The following EXOSC6 variants were observed in gnomAD, a reference collection of about 807,000 sequenced individuals.
The protein encoded by EXOSC6 is exosome component 6, also known as exosome complex component MTR3.
Under a neutral mutation model 16.7 loss-of-function variants are expected in EXOSC6, and 21 were observed. The ratio of observed to expected loss-of-function variants is 1.26; its 90% confidence interval spans 0.89 to 1.82. The LOEUF (loss-of-function observed/expected upper bound fraction) is 1.82. Ranked by LOEUF, EXOSC6 falls within the 40% of genes most tolerant of loss-of-function variation. EXOSC6 has a pLI of 0.00. For missense variants in EXOSC6, 538 were observed against 415.7 expected (o/e 1.29, Z -2.56); for synonymous variants, 297 against 217.1 (o/e 1.37, Z -3.24).
rs898287444 is a variant in EXOSC6 at position 70,250,893 on chromosome 16, T to C, written c.*189A>G. 1.8e-5 allele frequency: 12 copies of C among 648,996 alleles called. No homozygotes were observed. The African/African-American group carries it at 1.9e-4, about 10-fold the overall frequency. The allele number at this position is 648,996 out of a possible 1,614,324, so 40.2% of individuals were successfully genotyped here. On this transcript the variant is annotated 3_prime_UTR_variant, in exon 1 of 1. Transcript: ENST00000435634. ...CTCCAGGGGCTGTTGAGTTTTGCCT[T>C]TATCATTCCAAGTAGTCCCTGCTCC...
In EXOSC6 at chr16:70,248,161, T is replaced by C. The variant is rs1959729763; in HGVS notation, c.*2921A>G. The C allele has an allele frequency of 1.3e-5, 2 of 152,186 alleles. No homozygotes were observed. The highest frequency in any genetic ancestry group is 2.4e-5 in the African/African-American group (1 of 41,440). 9.4% of individuals were successfully genotyped at this position (152,186 alleles called of 1,614,324 possible). On this transcript the variant is annotated 3_prime_UTR_variant, in exon 1 of 1. Transcript: ENST00000435634. ...AATCATTTAAAAGACATCTTAGGGG[T>C]AATTACAGAAATTTGAATATAGAAC... is the stretch of plus-strand genomic sequence containing the variant.
In EXOSC6 at chr16:70,251,722, G is replaced by A; in HGVS notation, c.179C>T (p.Thr60Ile). ...GCCCGACACGGCACACAGCACCTTG[G>A]TGCCTCCCGCCTCCAGGTAGGCCGA... ...KGSAYLEAGG[T>I]KVLCAVSGPR... Residue 60 changes from threonine to isoleucine, a missense_variant, in exon 1 of 1, where the codon ACC becomes ATC. By Grantham distance (89) the Thr-to-Ile change is moderately conservative. Coordinates refer to ENST00000435634, the MANE Select transcript of EXOSC6 (RefSeq NM_058219.3). 7.2e-7 allele frequency: 1 copy of A among 1,391,504 alleles called. No individual in the cohort carries two copies. Among genetic ancestry groups the A allele is most frequent in the South Asian group, 1.6e-5 (1 of 62,742 alleles). 86.2% of individuals were successfully genotyped at this position (1,391,504 alleles called of 1,614,324 possible).
In EXOSC6 at chr16:70,250,938, G is replaced by A. The variant is rs1959799545; in HGVS notation, c.*144C>T. The A allele has an allele frequency of 4.8e-6, 5 of 1,048,820 alleles. No homozygotes were observed. The African/African-American group carries it at 8.3e-5, about 18-fold the overall frequency. 65.0% of individuals were successfully genotyped at this position (1,048,820 alleles called of 1,614,324 possible). On this transcript the variant is annotated 3_prime_UTR_variant, in exon 1 of 1. Transcript: ENST00000435634. Reference sequence around the variant, plus strand: ...TGCTCCAGACCAAGTCCCACCATCTGGCAGTCAGGTCAGTCCAACCACAGT... The same window carrying A: ...TGCTCCAGACCAAGTCCCACCATCTAGCAGTCAGGTCAGTCCAACCACAGT...
In EXOSC6 at chr16:70,251,922, C is replaced by T; in HGVS notation, c.-22G>A. On this transcript the variant is annotated 5_prime_UTR_variant, in exon 1 of 1. Coordinates refer to ENST00000435634, the MANE Select transcript of EXOSC6 (RefSeq NM_058219.3). ...GCATGGCGGTTCTTGGCGTGCGAAC[C>T]CCTTCCGCCCAACGCCCTGCCGCAT... 3 of 1,481,922 alleles carry T rather than the reference C, an allele frequency of 2.0e-6. No individual in the cohort carries two copies. Among genetic ancestry groups the T allele is most frequent in the South Asian group, 1.3e-5 (1 of 78,284 alleles). The allele number at this position is 1,481,922 out of a possible 1,614,324, so 91.8% of individuals were successfully genotyped here.
Position 70,248,004 on chromosome 16 carries a change from G to T in EXOSC6, c.*3078C>A, listed in dbSNP as rs150151637. 5,199 of 152,250 alleles carry T rather than the reference G, an allele frequency of 0.034. 305 individuals are homozygous for T. The highest frequency in any genetic ancestry group is 0.12 in the African/African-American group (4,903 of 41,494). 9.4% of individuals were successfully genotyped at this position (152,250 alleles called of 1,614,324 possible). On this transcript the variant is annotated 3_prime_UTR_variant, in exon 1 of 1. Transcript: ENST00000435634. ...TGGGAGGCGGAGGTTGCAGTGAGCC[G>T]AGATTGTGCCACTGCCCTCCAGCTT...
chr16:70,251,123 C>T lies in EXOSC6; in HGVS notation c.778G>A (p.Val260Met), dbSNP rs996544191. ...GCGCCCCTGCGGCGGGCGGCCCGCA[C>T]CAGGCTCTGCTGCAGCACGGGGTAG... ...RLYPVLQQSL[V>M]RAARRRGAAA... Residue 260 changes from valine to methionine, a missense_variant, in exon 1 of 1, where the codon GTG (valine) becomes ATG (methionine). Val to Met is a conservative substitution (Grantham distance 21). Transcript: ENST00000435634. The T allele has an allele frequency of 6.6e-7, 1 of 1,523,470 alleles. No individual in the cohort carries two copies. Among genetic ancestry groups the T allele is most frequent in the Non-Finnish European group, 8.7e-7 (1 of 1,147,312 alleles). 94.4% of individuals were successfully genotyped at this position (1,523,470 alleles called of 1,614,324 possible).
chr16:70,247,870 C>T lies in EXOSC6; in HGVS notation c.*3212G>A, dbSNP rs1461425437. On this transcript the variant is annotated 3_prime_UTR_variant, in exon 1 of 1. Coordinates refer to ENST00000435634, the MANE Select transcript of EXOSC6 (RefSeq NM_058219.3). The stretch of plus-strand genomic sequence containing the variant: ...AGGAGTTCAAGACCAGTCTGGCCAG[C>T]TCGATGAAACTCCGTCTCTACTAAA... The T allele has an allele frequency of 6.6e-6, 1 of 152,162 alleles. No individual in the cohort carries two copies. Among genetic ancestry groups the T allele is most frequent in the East Asian group, 1.9e-4 (1 of 5,202 alleles). The allele number at this position is 152,162 out of a possible 1,614,324, so 9.4% of individuals were successfully genotyped here.
At position 70,251,057 on chromosome 16, in the gene EXOSC6, G is replaced by GT; in HGVS notation, c.*24dup. On this transcript the variant is annotated 3_prime_UTR_variant, in exon 1 of 1. Transcript: ENST00000435634. ...GGCGGCAGCACGGTCCTCGGCTTGCGTCCGTAGTTGCTCAGGCTTCTGGTT... is the reference window on the plus strand; with the variant it reads ...GGCGGCAGCACGGTCCTCGGCTTGCGTTCCGTAGTTGCTCAGGCTTCTGGTT... 1 of 1,446,316 alleles carries GT rather than the reference G, an allele frequency of 6.9e-7. No individual in the cohort carries two copies. Among genetic ancestry groups the GT allele is most frequent in the Non-Finnish European group, 9.0e-7 (1 of 1,111,286 alleles). The allele number at this position is 1,446,316 out of a possible 1,614,324, so 89.6% of individuals were successfully genotyped here.
rs550232370 is a variant in EXOSC6, at chr16:70,251,386, G to C, written c.515C>G (p.Ala172Gly). 14 of 1,357,248 alleles carry C rather than the reference G, an allele frequency of 1.0e-5. No individual in the cohort carries two copies. In the South Asian group the frequency reaches 2.2e-4, roughly 21 times the overall value. The allele number at this position is 1,357,248 out of a possible 1,614,324, so 84.1% of individuals were successfully genotyped here. ...LTAAALALAD[A>G]GVEMYDLVVG... The stretch of plus-strand genomic sequence containing the variant: ...CACCAGGTCGTACATCTCCACGCCC[G>C]CGTCGGCCAGGGCGAGCGCGGCGGC... The change falls in exon 1 of 1, where the codon GCG becomes GGG. Residue 172 changes from alanine (A) to glycine (G), a missense_variant. Physicochemically the swap from Ala to Gly is moderately conservative, Grantham distance 60. Coordinates refer to ENST00000435634, the MANE Select transcript of EXOSC6 (RefSeq NM_058219.3).
At position 70,247,002 on chromosome 16, in the gene EXOSC6, T is replaced by G. The variant is rs1959708500; in HGVS notation, c.*4080A>C. 1 of 495,612 alleles carries G rather than the reference T, an allele frequency of 2.0e-6. No homozygotes were observed. Among genetic ancestry groups the G allele is most frequent in the African/African-American group, 2.0e-5 (1 of 49,966 alleles). 30.7% of individuals were successfully genotyped at this position (495,612 alleles called of 1,614,324 possible). On this transcript the variant is annotated 3_prime_UTR_variant, in exon 1 of 1. Coordinates refer to ENST00000435634, the MANE Select transcript of EXOSC6 (RefSeq NM_058219.3). ...TGAGGAATTCACCCTAAAATTAGTG[T>G]GGAGAAAACAAGCAAATTAGGTTAT...
In EXOSC6 at chr16:70,251,175, G is replaced by A. The variant is rs745709536; in HGVS notation, c.726C>T (p.Arg242=). Residue 242 remains arginine (R), a synonymous_variant, in exon 1 of 1, where the codon CGC becomes CGT. Coordinates refer to ENST00000435634, the MANE Select transcript of EXOSC6 (RefSeq NM_058219.3). ...GLTESWAEAV[R]LGLEGCQRLY... The stretch of plus-strand genomic sequence containing the variant: ...GGCGCTGGCAGCCCTCGAGGCCCAG[G>A]CGTACGGCCTCCGCCCAGCTCTCTG... 59 of 1,528,106 alleles carry A rather than the reference G, an allele frequency of 3.9e-5. No homozygotes were observed. Among genetic ancestry groups the A allele is most frequent in the Non-Finnish European group, 5.0e-5 (57 of 1,146,884 alleles). 94.7% of individuals were successfully genotyped at this position (1,528,106 alleles called of 1,614,324 possible). A position where few individuals can be genotyped will look rare whatever the true frequency, so the allele number is the denominator to read the frequency against.
rs1364384735 is a variant in EXOSC6 at position 70,246,917 on chromosome 16, G to C, written c.*4165C>G. The C allele has an allele frequency of 1.8e-6, 1 of 566,370 alleles. No homozygotes were observed. The allele number at this position is 566,370 out of a possible 1,614,324, so 35.1% of individuals were successfully genotyped here. On this transcript the variant is annotated 3_prime_UTR_variant, in exon 1 of 1. Transcript: ENST00000435634. Reference sequence around the variant, plus strand: ...GGAGCAGAGGCATTGTTTTCCATCTGATTCCTCAGTTCCTCACACACACAA... The same window carrying C: ...GGAGCAGAGGCATTGTTTTCCATCTCATTCCTCAGTTCCTCACACACACAA...
rs534246365 is a variant in EXOSC6 at position 70,249,981 on chromosome 16, C to T, written c.*1101G>A. On this transcript the variant is annotated 3_prime_UTR_variant, in exon 1 of 1. Coordinates refer to ENST00000435634, the MANE Select transcript of EXOSC6 (RefSeq NM_058219.3). ...ATAAATATAAAAAAATAAAAAGCTG[C>T]TATTCTCCATTAATACCTGCAGGCC... The T allele has an allele frequency of 3.0e-4, 46 of 152,076 alleles. No individual in the cohort carries two copies. The highest frequency in any genetic ancestry group is 1.1e-3 in the African/African-American group (44 of 41,496). The allele number at this position is 152,076 out of a possible 1,614,324, so 9.4% of individuals were successfully genotyped here.
rs1181334160 is a variant in EXOSC6 at position 70,248,330 on chromosome 16, AGT to A, written c.*2750_*2751del. The A allele has an allele frequency of 1.3e-5, 2 of 150,046 alleles. No homozygotes were observed. Among genetic ancestry groups the A allele is most frequent in the African/African-American group, 5.1e-5 (2 of 39,304 alleles). The allele number at this position is 150,046 out of a possible 1,614,324, so 9.3% of individuals were successfully genotyped here. A position where few individuals can be genotyped will look rare whatever the true frequency, so the allele number is the denominator to read the frequency against. Reference sequence around the variant, plus strand: ...GTATGGTTTTCAGATGCTCAACAAAAGTGTGTGAGAAAATAAAACTGGCAAAA... The same window carrying A: ...GTATGGTTTTCAGATGCTCAACAAAAGTGTGAGAAAATAAAACTGGCAAAA... On this transcript the variant is annotated 3_prime_UTR_variant, in exon 1 of 1. Coordinates refer to ENST00000435634, the MANE Select transcript of EXOSC6 (RefSeq NM_058219.3).
chr16:70,251,466 C>T lies in EXOSC6; in HGVS notation c.435G>A (p.Glu145=), dbSNP rs944305625. The T allele has an allele frequency of 9.0e-6, 12 of 1,329,638 alleles. No individual in the cohort carries two copies. In the African/African-American group the frequency reaches 1.4e-4, roughly 15 times the overall value. The allele number at this position is 1,329,638 out of a possible 1,614,324, so 82.4% of individuals were successfully genotyped here. A position where few individuals can be genotyped will look rare whatever the true frequency, so the allele number is the denominator to read the frequency against. The change falls in exon 1 of 1, where the codon GAG becomes GAA. Residue 145 remains glutamate (E), a synonymous_variant. Transcript: ENST00000435634. ...RLGRYPRAQL[E]VSALLLEDGG... is the part of the protein sequence containing the mutation. Reference sequence around the variant, plus strand: ...CGTCCTCCAGCAGCAGCGCCGACACCTCGAGCTGCGCGCGCGGGTAGCGGC... The same window carrying T: ...CGTCCTCCAGCAGCAGCGCCGACACTTCGAGCTGCGCGCGCGGGTAGCGGC...
At position 70,251,331 on chromosome 16, in the gene EXOSC6, C is replaced by T; in HGVS notation, c.570G>A (p.Gly190=). 7.2e-7 allele frequency: 1 copy of T among 1,379,390 alleles called. No homozygotes were observed. Among genetic ancestry groups the T allele is most frequent in the Non-Finnish European group, 9.3e-7 (1 of 1,072,760 alleles). 85.4% of individuals were successfully genotyped at this position (1,379,390 alleles called of 1,614,324 possible). The part of the protein sequence containing the change: ...VVGCGLSLAP[G]PAPTWLLDPT... ...GGTCCAGGAGCCAGGTGGGCGCGGGCCCCGGCGCGAGGCTGAGGCCGCAGC... is the reference window on the plus strand; with the variant it reads ...GGTCCAGGAGCCAGGTGGGCGCGGGTCCCGGCGCGAGGCTGAGGCCGCAGC... Residue 190 remains glycine (G), a synonymous_variant, in exon 1 of 1, where the codon GGG becomes GGA. Coordinates refer to ENST00000435634, the MANE Select transcript of EXOSC6 (RefSeq NM_058219.3).
Position 70,251,255 on chromosome 16 carries a change from T to C in EXOSC6, c.646A>G (p.Met216Val), listed in dbSNP as rs1431259433. The change falls in exon 1 of 1, where the codon ATG becomes GTG. Residue 216 changes from methionine to valine, a missense_variant. Met to Val is a conservative substitution (Grantham distance 21). Transcript: ENST00000435634. ...RAAAGLTVAL[M>V]PVLNQVAGLL... The stretch of plus-strand genomic sequence containing the variant: ...CCGGCCACCTGATTCAGCACAGGCA[T>C]GAGCGCCACGGTGAGGCCGGCGGCG... The C allele has an allele frequency of 1.6e-5, 24 of 1,479,456 alleles. No individual in the cohort carries two copies. The highest frequency in any genetic ancestry group is 2.0e-5 in the Non-Finnish European group (22 of 1,121,006). The allele number at this position is 1,479,456 out of a possible 1,614,324, so 91.6% of individuals were successfully genotyped here.
chr16:70,251,930 C>G lies in EXOSC6; in HGVS notation c.-30G>C, dbSNP rs1237293666. 6.8e-7 allele frequency: 1 copy of G among 1,463,286 alleles called. No homozygotes were observed. The highest frequency in any genetic ancestry group is 2.6e-5 in the Admixed American group (1 of 38,206). The allele number at this position is 1,463,286 out of a possible 1,614,324, so 90.6% of individuals were successfully genotyped here. A position where few individuals can be genotyped will look rare whatever the true frequency, so the allele number is the denominator to read the frequency against. On this transcript the variant is annotated 5_prime_UTR_variant, in exon 1 of 1. Coordinates refer to ENST00000435634, the MANE Select transcript of EXOSC6 (RefSeq NM_058219.3). ...GTTCTTGGCGTGCGAACCCCTTCCGCCCAACGCCCTGCCGCATCCACTGGT... is the reference window on the plus strand; with the variant it reads ...GTTCTTGGCGTGCGAACCCCTTCCGGCCAACGCCCTGCCGCATCCACTGGT...
Position 70,251,142 on chromosome 16 carries a change from G to T in EXOSC6, c.759C>A (p.Pro253=). The T allele has an allele frequency of 1.3e-6, 2 of 1,532,802 alleles. No individual in the cohort carries two copies. Among genetic ancestry groups the T allele is most frequent in the East Asian group, 2.6e-5 (1 of 38,238 alleles). 95.0% of individuals were successfully genotyped at this position (1,532,802 alleles called of 1,614,324 possible). ...CCCGCACCAGGCTCTGCTGCAGCAC[G>T]GGGTAGAGGCGCTGGCAGCCCTCGA... ...LGLEGCQRLY[P]VLQQSLVRAA... The change falls in exon 1 of 1, where the codon CCC becomes CCA. Residue 253 remains proline, a synonymous_variant. Coordinates refer to ENST00000435634, the MANE Select transcript of EXOSC6 (RefSeq NM_058219.3).
Sources: gnomAD v4.1 joint callset for allele counts on GRCh38, gnomAD v4.1.1 for gene constraint, MANE v1.5 for transcripts, NCBI Gene and HGNC (gene_info 2026-07-23, HGNC 2026-07-21) for gene names.